MLKL: variants seen among roughly 807,000 people sequenced by gnomAD.
MLKL encodes the protein mixed lineage kinase domain like pseudokinase.
Under a neutral mutation model 56.5 loss-of-function variants are expected in MLKL, and 55 were observed. That is an observed-to-expected ratio of 0.97 (90% confidence interval 0.78 to 1.22). The LOEUF (loss-of-function observed/expected upper bound fraction) is 1.22. Ranked by LOEUF, MLKL falls within the 50% of genes most tolerant of loss-of-function variation. The pLI is 0.00. For synonymous variants in MLKL, 251 were observed against 208.3 expected, an observed-to-expected ratio of 1.20 and a Z score of -1.76; for missense variants, 694 against 573.9, an observed-to-expected ratio of 1.21 and a Z score of -2.14.
At chr16:74,697,089 A>T (rs1230097348) in intron 1 of MLKL, among the ~76,000 whole-genome samples, 1 of 150,744 alleles carries the variant, frequency 6.6e-6, no homozygotes, top group Non-Finnish European at 1.5e-5. Context: ...GGTGGCACAC[A>T]CCCGTAGTCT....
rs1432888737 is a variant in MLKL at position 74,675,594 on chromosome 16, T to C, written c.1190+19A>G. 6.2e-7 allele frequency: 1 copy of C among 1,608,742 alleles called. No homozygotes were observed. Among genetic ancestry groups the C allele is most frequent in the East Asian group, 2.2e-5 (1 of 44,846 alleles). On this transcript the variant is annotated intron_variant, in intron 8 of 10. Coordinates refer to ENST00000308807, the MANE Select transcript of MLKL (RefSeq NM_152649.4). ...TTATGCACATCTGAGTTAGAATCTGTACCAGAACGTGAGTGTACCTGTATA... is the reference window on the plus strand; with the variant it reads ...TTATGCACATCTGAGTTAGAATCTGCACCAGAACGTGAGTGTACCTGTATA...
chr16:74,692,387 G>A lies in MLKL; in HGVS notation c.490C>T (p.Arg164Ter), dbSNP rs994770593. The change falls in exon 3 of 11, where the codon CGA (arginine) becomes TGA (stop). Residue 164 changes from arginine to a stop codon, truncating the protein, a stop_gained. Transcript: ENST00000308807. LOFTEE classifies it high-confidence loss of function. ...DNEKIEASLR[R>*]LEINMKEIKE... is the part of the protein sequence containing the mutation. ...ATTTCTTTCATGTTGATTTCTAATC[G>A]TCTCAGTGAAGCTTCTATTTTTTCA... 6.2e-6 allele frequency: 10 copies of A among 1,613,612 alleles called. No homozygotes were observed. The highest frequency in any genetic ancestry group is 8.5e-6 in the Non-Finnish European group (10 of 1,179,872).
intron 6 of MLKL, among the ~76,000 whole-genome samples, chr16:74,682,022 G>A (rs879586872): frequency 6.6e-6 from 1 of 152,034 alleles, no homozygotes; most frequent in Non-Finnish European, 1.5e-5. Context: ...GAGGCAGGAG[G>A]ATTGCTTGAG....
intron 7 of MLKL, chr16:74,676,102 A>C (rs1959579614): frequency 3.0e-6 from 1 of 329,510 alleles, no homozygotes; most frequent in South Asian, 6.3e-5. Flanking sequence ...GGGGTTTCTC[A>C]GTTGAGGACT....
At position 74,695,695 on chromosome 16, in the gene MLKL, C is replaced by T. The variant is rs754864424; in HGVS notation, c.63G>A (p.Met21Ile). Reference sequence around the variant, plus strand: ...GCCGGCACTGTTTCTTGCAGTATTTCATCTCTTCACACCGTTTGTGGATGA... The same window carrying T: ...GCCGGCACTGTTTCTTGCAGTATTTTATCTCTTCACACCGTTTGTGGATGA... The part of the protein sequence containing the change: ...GQVIHKRCEE[M>I]KYCKKQCRRL... The change falls in exon 2 of 11, where the codon ATG becomes ATA. Residue 21 changes from methionine (M) to isoleucine (I), a missense_variant. By Grantham distance (10) the Met-to-Ile change is conservative. Coordinates refer to ENST00000308807, the MANE Select transcript of MLKL (RefSeq NM_152649.4). 6.2e-7 allele frequency: 1 copy of T among 1,614,072 alleles called. No individual in the cohort carries two copies. The highest frequency in any genetic ancestry group is 8.5e-7 in the Non-Finnish European group (1 of 1,180,044).
chr16:74,676,126 T>G, intron 7 of MLKL: 3 of 397,518 alleles, frequency 7.5e-6, no homozygotes, highest in Non-Finnish European at 1.1e-5. Flanking sequence ...CTCCACTCAG[T>G]GAGAGTGGAG....
chr16:74,695,110 G>A (rs922807985), intron 2 of MLKL, among the ~76,000 whole-genome samples, 188 bp downstream of exon 2: 4 of 152,218 alleles, frequency 2.6e-5, no homozygotes, highest in African/African-American at 9.7e-5. Context: ...CTGACCTAGT[G>A]ATCAGCCCGC....
chr16:74,682,875 T>C, intron 5 of MLKL, 89 bp from the exon 6 acceptor site: 1 of 1,481,906 alleles, frequency 6.7e-7, no homozygotes, highest in East Asian at 2.4e-5. Context: ...TCGGTACAGA[T>C]ACAGACTTGG....
chr16:74,686,539 C>T (rs1421354599), intron 4 of MLKL, among the ~76,000 whole-genome samples: 1 of 152,212 alleles, frequency 6.6e-6, no homozygotes, highest in Non-Finnish European at 1.5e-5. Flanking sequence ...GCCGAGATCA[C>T]ACCATTGCAC....
chr16:74,693,603 ATT>A (rs71376299), intron 2 of MLKL, among the ~76,000 whole-genome samples: 53 of 135,760 alleles, frequency 3.9e-4, no homozygotes, highest in African/African-American at 8.1e-4. Context: ...GAAATGGTAA[ATT>A]TTTTTTTTTT....
chr16:74,693,453 CA>C lies in MLKL; in HGVS notation c.461-1038del, dbSNP rs71158538. On this transcript the variant is annotated intron_variant, in intron 2 of 10. Transcript: ENST00000308807. ...ACTGCACTCCAGCAAGACTCTGTCT[CA>C]AAAAAAAAAAAAAAGAAAAGAAAAA... 1.2e-3 allele frequency among the ~76,000 whole-genome samples: 42 copies of C among 35,416 alleles called. 1 individual carries two copies. The highest frequency in any genetic ancestry group is 0.011 in the South Asian group (8 of 746). 23.2% of individuals were successfully genotyped at this position (35,416 alleles called of 152,430 possible). A position where few individuals can be genotyped will look rare whatever the true frequency, so the allele number is the denominator to read the frequency against.
intron 4 of MLKL, among the ~76,000 whole-genome samples, chr16:74,690,898 G>A (rs1427375118): frequency 6.6e-6 from 1 of 151,194 alleles, no homozygotes; most frequent in Non-Finnish European, 1.5e-5. Flanking sequence ...AGTGAAAAAA[G>A]TGAGGAAAGG....
rs1281397634 is a variant in MLKL, at chr16:74,695,541, T to G, written c.217A>C (p.Asn73His). The part of the protein sequence containing the change: ...NRFKAALEEA[N>H]GEIEKFSNRS... ...TTGCTGAACTTTTCTATCTCCCCAT[T>G]AGCCTCCTCCAGGGCAGCCTTGAAG... is the stretch of plus-strand genomic sequence containing the variant. Residue 73 changes from asparagine to histidine, a missense_variant, in exon 2 of 11, where the codon AAT (asparagine) becomes CAT (histidine). By Grantham distance (68) the Asn-to-His change is moderately conservative. Coordinates refer to ENST00000308807, the MANE Select transcript of MLKL (RefSeq NM_152649.4). The G allele has an allele frequency of 6.2e-7, 1 of 1,614,056 alleles. No homozygotes were observed. The highest frequency in any genetic ancestry group is 8.5e-7 in the Non-Finnish European group (1 of 1,180,040).
At chr16:74,679,967 G>A (rs1328457466) in intron 6 of MLKL, among the ~76,000 whole-genome samples, 1 of 152,198 alleles carries the variant, frequency 6.6e-6, no homozygotes, top group African/African-American at 2.4e-5. Context: ...AGGTGGTCTC[G>A]CGGAGACCTG....
rs572428637 is a variant in MLKL, at chr16:74,675,157, T to C, written c.1241-57A>G. On this transcript the variant is annotated intron_variant, in intron 9 of 10. Transcript: ENST00000308807. ...TTGCTCCGCTACTCGTACATCTCTC[T>C]GGATGCTGATGGCTGGCATCAGAAC... is the stretch of plus-strand genomic sequence containing the variant. The C allele has an allele frequency of 1.6e-4, 256 of 1,597,792 alleles. 5 individuals are homozygous for C. The South Asian group carries it at 2.8e-3, about 17-fold the overall frequency.
intron 4 of MLKL, among the ~76,000 whole-genome samples, chr16:74,686,697 C>A (rs1960352715): frequency 6.6e-6 from 1 of 152,204 alleles, no homozygotes; most frequent in Non-Finnish European, 1.5e-5. Flanking sequence ...ATCACTGGAA[C>A]CACCAACTCA....
chr16:74,688,252 G>C (rs966306292), intron 4 of MLKL, among the ~76,000 whole-genome samples: 6 of 152,180 alleles, frequency 3.9e-5, no homozygotes, highest in African/African-American at 7.2e-5. Flanking sequence ...TTACAGATGT[G>C]AGCTGCAGTG....
In MLKL at chr16:74,685,581, A is replaced by C; in HGVS notation, c.725T>G (p.Ile242Arg). The change falls in exon 5 of 11, where the codon ATA (isoleucine) becomes AGA (arginine). Residue 242 changes from isoleucine (I) to arginine (R), a missense_variant and splice_region_variant. Coordinates refer to ENST00000308807, the MANE Select transcript of MLKL (RefSeq NM_152649.4). ...CTCCTTATTGAAAGTCTGCCTCACTATTCTATAAGGATTAAAGAGAGAAAT... is the reference window on the plus strand; with the variant it reads ...CTCCTTATTGAAAGTCTGCCTCACTCTTCTATAAGGATTAAAGAGAGAAAT... ...FKKLQAGSIA[I>R]VRQTFNKEIK... The C allele has an allele frequency of 1.2e-6, 2 of 1,610,062 alleles. No individual in the cohort carries two copies. The highest frequency in any genetic ancestry group is 2.2e-5 in the East Asian group (1 of 44,864).
intron 1 of MLKL, among the ~76,000 whole-genome samples, chr16:74,697,733 C>T (rs539220304): frequency 2.0e-5 from 3 of 151,602 alleles, no homozygotes; most frequent in South Asian, 2.1e-4. Context: ...GCGGGAGAAT[C>T]GCTTGAGCCT....
Sources: gnomAD v4.1 joint callset for allele counts (sites outside exome capture counted in the v4.1 genomes callset) on GRCh38, gnomAD v4.1.1 for gene constraint, MANE v1.5 for transcripts, NCBI Gene and HGNC (gene_info 2026-07-23, HGNC 2026-07-21) for gene names.